KIAA1958: variants seen among roughly 807,000 people sequenced by gnomAD.
KIAA1958 encodes the protein uncharacterized protein KIAA1958.
Under a neutral mutation model 47.2 loss-of-function variants are expected in KIAA1958, and 14 were observed. The observed-to-expected ratio is 0.30, with a 90% CI of 0.20 to 0.46. The LOEUF is 0.46. KIAA1958 is among the 20% of genes least tolerant of loss of function. The pLI is 1.00. For missense variants in KIAA1958, 803 were observed against 909.2 expected (o/e 0.88, Z 1.50); for synonymous variants, 354 against 353.3 (o/e 1.00, Z -0.02).
intron 2 of KIAA1958, among the ~76,000 whole-genome samples, chr9:112,644,497 T>A (rs1221277388): frequency 6.6e-6 from 1 of 152,186 alleles, no homozygotes; most frequent in Non-Finnish European, 1.5e-5. Flanking sequence ...AGATGAAGTG[T>A]TTTTACTTTG....
At chr9:112,628,842 C>T (rs953508728) in intron 2 of KIAA1958, among the ~76,000 whole-genome samples, 1 of 152,138 alleles carries the variant, frequency 6.6e-6, no homozygotes, top group Non-Finnish European at 1.5e-5. Flanking sequence ...AATGTTTTCA[C>T]TGCCAAAGTT....
intron 1 of KIAA1958, among the ~76,000 whole-genome samples, chr9:112,557,026 A>G (rs1241979248): frequency 5.3e-5 from 8 of 152,010 alleles, no homozygotes; most frequent in Non-Finnish European, 1.2e-4. Flanking sequence ...TGGCCCAATC[A>G]TGGCTCACTG....
At chr9:112,500,730 T>C (rs189276086) in intron 1 of KIAA1958, among the ~76,000 whole-genome samples, 28 of 152,332 alleles carry the variant, frequency 1.8e-4, no homozygotes, top group African/African-American at 5.8e-4. Context: ...AATATTCTTA[T>C]TGAATATAAA....
Position 112,563,406 on chromosome 9 carries a change from G to A in KIAA1958, c.-24-10651G>A, listed in dbSNP as rs113323303. On this transcript the variant is annotated intron_variant, in intron 1 of 3. Coordinates refer to ENST00000337530, the MANE Select transcript of KIAA1958 (RefSeq NM_133465.4). ...TTTAGGTCATGTTTAATTTCTGTTAGCATTGTTTTGTTGTTTTTAGTATAG... is the reference window on the plus strand; with the variant it reads ...TTTAGGTCATGTTTAATTTCTGTTAACATTGTTTTGTTGTTTTTAGTATAG... 5.2e-3 allele frequency among the ~76,000 whole-genome samples: 797 copies of A among 152,150 alleles called. 10 individuals are homozygous for A. The highest frequency in any genetic ancestry group is 0.018 in the African/African-American group (757 of 41,514).
chr9:112,495,193 A>G (rs551686850), intron 1 of KIAA1958, among the ~76,000 whole-genome samples: 30 of 152,282 alleles, frequency 2.0e-4, no homozygotes, highest in Admixed American at 6.5e-4. Context: ...GATTACAGGC[A>G]TGAGGCACTG....
chr9:112,558,452 G>A (rs572911252), intron 1 of KIAA1958, among the ~76,000 whole-genome samples: 3 of 152,028 alleles, frequency 2.0e-5, no homozygotes, highest in Middle Eastern at 3.2e-3. Context: ...AATTAAAACC[G>A]TGTCAATTTT....
At chr9:112,588,402 C>A (rs543350928) in intron 2 of KIAA1958, among the ~76,000 whole-genome samples, 1 of 152,296 alleles carries the variant, frequency 6.6e-6, no homozygotes, top group South Asian at 2.1e-4. Flanking sequence ...TAGAGTAAGT[C>A]TTCAATAAGC....
intron 2 of KIAA1958, among the ~76,000 whole-genome samples, chr9:112,611,982 T>TA (rs1468416843): frequency 1.3e-5 from 2 of 151,764 alleles, no homozygotes; most frequent in Non-Finnish European, 2.9e-5. Context: ...TGAGGAAAAA[T>TA]AGAGTCACAA....
chr9:112,520,583 CAG>C (rs1279136177), intron 1 of KIAA1958, among the ~76,000 whole-genome samples: 4 of 152,072 alleles, frequency 2.6e-5, no homozygotes, highest in Non-Finnish European at 5.9e-5. Context: ...AGTGAAGAAA[CAG>C]AGAAATGAAC....
At chr9:112,630,118 G>A (rs560780943) in intron 2 of KIAA1958, among the ~76,000 whole-genome samples, 1 of 152,334 alleles carries the variant, frequency 6.6e-6, no homozygotes, top group Non-Finnish European at 1.5e-5. Context: ...GAAGCATTGC[G>A]CATGTGACTG....
chr9:112,578,628 G>T (rs1255991814), intron 2 of KIAA1958, among the ~76,000 whole-genome samples: 4 of 152,098 alleles, frequency 2.6e-5, no homozygotes, highest in Admixed American at 1.3e-4. Flanking sequence ...TCTGTTCAGA[G>T]CTGAACTCAT....
At chr9:112,518,782 A>T (rs1450284732) in intron 1 of KIAA1958, among the ~76,000 whole-genome samples, 2 of 152,162 alleles carry the variant, frequency 1.3e-5, no homozygotes, top group African/African-American at 4.8e-5. Flanking sequence ...AAAGAACAGT[A>T]TGACAAAAGG....
At chr9:112,573,858 C>T (rs1022193176) in intron 1 of KIAA1958, among the ~76,000 whole-genome samples, 199 bp from the exon 2 acceptor site, 1 of 152,142 alleles carries the variant, frequency 6.6e-6, no homozygotes. Context: ...AATCCCACAA[C>T]CATCAGTCAT....
chr9:112,564,049 T>C (rs1835383395), intron 1 of KIAA1958, among the ~76,000 whole-genome samples: 1 of 152,202 alleles, frequency 6.6e-6, no homozygotes, highest in Non-Finnish European at 1.5e-5. Context: ...TTGTAAAGGA[T>C]TTTTACATCA....
At chr9:112,552,144 C>T (rs530687857) in intron 1 of KIAA1958, among the ~76,000 whole-genome samples, 6 of 152,262 alleles carry the variant, frequency 3.9e-5, no homozygotes, top group Admixed American at 2.6e-4. Context: ...ATCTGGACCA[C>T]GAGGATCCCT....
At chr9:112,501,279 A>G (rs1373470194) in intron 1 of KIAA1958, among the ~76,000 whole-genome samples, 1 of 152,102 alleles carries the variant, frequency 6.6e-6, no homozygotes, top group Non-Finnish European at 1.5e-5. Flanking sequence ...GTCTTTACAA[A>G]AAAAAAAGAG....
At chr9:112,523,036 G>A (rs1834575535) in intron 1 of KIAA1958, among the ~76,000 whole-genome samples, 3 of 152,144 alleles carry the variant, frequency 2.0e-5, no homozygotes, top group Admixed American at 2.0e-4. Context: ...TGACAACTGG[G>A]CAATGTCATT....
intron 1 of KIAA1958, among the ~76,000 whole-genome samples, chr9:112,555,583 T>G (rs1271044552): frequency 1.3e-5 from 2 of 152,256 alleles, no homozygotes; most frequent in African/African-American, 4.8e-5. Flanking sequence ...GTTCATTGCC[T>G]TCTGCTCCAT....
intron 2 of KIAA1958, among the ~76,000 whole-genome samples, chr9:112,585,676 T>C (rs1207106595): frequency 1.3e-5 from 2 of 152,128 alleles, no homozygotes; most frequent in African/African-American, 4.8e-5. Flanking sequence ...AGTGAAGGCA[T>C]TGGAGAGGAG....
Sources: gnomAD v4.1 joint callset for allele counts (sites outside exome capture counted in the v4.1 genomes callset) on GRCh38, gnomAD v4.1.1 for gene constraint, MANE v1.5 for transcripts, NCBI Gene and HGNC (gene_info 2026-07-23, HGNC 2026-07-21) for gene names.